ATRX: variants seen among roughly 807,000 people sequenced by gnomAD.
ATRX encodes chromatin remodeler ATRX.
A neutral mutation model predicts 172.6 loss-of-function variants in ATRX; 12 were observed. The ratio of observed to expected loss-of-function variants is 0.07; its 90% CI spans 0.04 to 0.11. The LOEUF (loss-of-function observed/expected upper bound fraction) is 0.11. Among genes scored for constraint, ATRX ranks in the 10% least tolerant of loss-of-function variants. ATRX has a pLI of 1.00. For missense variants in ATRX, 1,368 were observed against 1,767.4 expected, an observed-to-expected ratio of 0.77 and a Z score of 4.05; for synonymous variants, 674 against 594.7, an observed-to-expected ratio of 1.13 and a Z score of -1.94.
intron 28 of ATRX, among the ~76,000 whole-genome samples, chrX:77,562,530 T>C (rs1281805610): frequency 9.0e-6 from 1 of 111,493 alleles, no homozygotes; most frequent in African/African-American, 3.3e-5. Context: ...TGACAACTCA[T>C]GTGGTTTTAA....
chrX:77,678,827 T>A (rs1334772977), intron 9 of ATRX, among the ~76,000 whole-genome samples: 1 of 110,986 alleles, frequency 9.0e-6, no homozygotes, highest in South Asian at 3.8e-4. Context: ...TCTATGTCTG[T>A]CTTGCATTAA....
At chrX:77,559,281 T>G (rs1294750012) in intron 28 of ATRX, among the ~76,000 whole-genome samples, 1 of 106,455 alleles carries the variant, frequency 9.4e-6, no homozygotes, top group Non-Finnish European at 1.9e-5. Flanking sequence ...GCATAAAGAA[T>G]GTAAGGAGAG....
At chrX:77,729,124 C>CAAAAAAAAAA (rs782218800) in intron 1 of ATRX, among the ~76,000 whole-genome samples, 1 of 32,162 alleles carries the variant, frequency 3.1e-5, no homozygotes. Context: ...CTCACAAAAG[C>CAAAAAAAAAA]AAAAAAAAAA....
At chrX:77,635,280 A>G (rs2068294914) in intron 16 of ATRX, among the ~76,000 whole-genome samples, 1 of 111,353 alleles carries the variant, frequency 9.0e-6, no homozygotes. Flanking sequence ...GCGAGACTCC[A>G]TCTCAAAAAA....
intron 2 of ATRX, among the ~76,000 whole-genome samples, chrX:77,708,347 C>A (rs2072940746): frequency 1.8e-5 from 2 of 112,298 alleles, no homozygotes; most frequent in Admixed American, 9.5e-5. Flanking sequence ...TTATATGATG[C>A]CATTCATATG....
intron 31 of ATRX, 79 bp from the exon 32 acceptor site, chrX:77,522,467 G>C (rs1352797726): frequency 2.9e-6 from 3 of 1,048,604 alleles, no homozygotes; most frequent in Non-Finnish European, 4.0e-6. Context: ...GTTTAGAAAA[G>C]AATCCACATT....
rs1352797726 is a variant in ATRX, at chrX:77,522,467, G to T, written c.6850-79C>A. Reference sequence around the variant, plus strand: ...CTACATCACCTACTGGTTTAGAAAAGAATCCACATTCTCAGATCCAGGAAA... The same window carrying T: ...CTACATCACCTACTGGTTTAGAAAATAATCCACATTCTCAGATCCAGGAAA... On this transcript the variant is annotated intron_variant, in intron 31 of 34. Transcript: ENST00000373344. The T allele has an allele frequency of 7.6e-6, 8 of 1,050,361 alleles. No homozygotes were observed. In the East Asian group the frequency reaches 1.5e-4, roughly 20 times the overall value. The allele number at this position is 1,050,361 out of a possible 1,213,427, so 86.6% of individuals were successfully genotyped here.
rs782623815 is a variant in ATRX at position 77,637,647 on chromosome X, AAAAACATTACGCAG to A, written c.4558-1605_4558-1592del. Among the ~76,000 whole-genome samples the A allele has an allele frequency of 6.3e-5, 7 of 111,353 alleles. No individual in the cohort carries two copies. In the South Asian group the frequency reaches 2.6e-3, roughly 42 times the overall value. On this transcript the variant is annotated intron_variant, in intron 15 of 34. Transcript: ENST00000373344. The stretch of plus-strand genomic sequence containing the variant: ...TAGAAACTCGTGATTTTAAAATCAT[AAAAACATTACGCAG>A]TTGGGCACGGTGGCTCACTCCTATA...
At chrX:77,666,189 A>G (rs1412033768) in intron 10 of ATRX, among the ~76,000 whole-genome samples, 1 of 112,138 alleles carries the variant, frequency 8.9e-6, no homozygotes, top group African/African-American at 3.2e-5. Flanking sequence ...AGAATCATCA[A>G]TTGCTAAAGG....
intron 23 of ATRX, 42 bp from the exon 24 acceptor site, chrX:77,599,862 A>C: frequency 6.2e-5 from 62 of 1,002,280 alleles, no homozygotes; most frequent in Non-Finnish European, 7.8e-5. Context: ...AGAATATCTC[A>C]ACTTACACTG....
At chrX:77,690,675 T>G (rs1190935207) in intron 6 of ATRX, 1 of 111,694 alleles carries the variant, frequency 9.0e-6, no homozygotes, top group East Asian at 2.8e-4. Flanking sequence ...TATTCTGTAT[T>G]TGTTTTAACA....
rs575791624 is a variant in ATRX at position 77,651,143 on chromosome X, G to A, written c.4557+971C>T. 2.5e-4 allele frequency among the ~76,000 whole-genome samples: 25 copies of A among 100,182 alleles called. No homozygotes were observed. In the South Asian group the frequency reaches 0.011, roughly 44 times the overall value. The allele number at this position is 100,182 out of a possible 115,157, so 87.0% of individuals were successfully genotyped here. Reference sequence around the variant, plus strand: ...GAGACAGGAGAATCACTTGAACCCAGGAGGTGGAGGTTGCAGTGAGCCGAG... The same window carrying A: ...GAGACAGGAGAATCACTTGAACCCAAGAGGTGGAGGTTGCAGTGAGCCGAG... On this transcript the variant is annotated intron_variant, in intron 15 of 34. Coordinates refer to ENST00000373344, the MANE Select transcript of ATRX (RefSeq NM_000489.6).
At chrX:77,549,001 T>C (rs543485311) in intron 30 of ATRX, among the ~76,000 whole-genome samples, 3 of 112,337 alleles carry the variant, frequency 2.7e-5, no homozygotes, top group South Asian at 7.4e-4. Flanking sequence ...ATGCCAGTTT[T>C]ATTGGCTTTT....
Position 77,599,665 on chromosome X carries a change from G to A in ATRX, c.5786+67C>T. 5 of 1,183,935 alleles carry A rather than the reference G, an allele frequency of 4.2e-6. No individual in the cohort carries two copies. The South Asian group carries it at 8.9e-5, about 21-fold the overall frequency. On this transcript the variant is annotated intron_variant, in intron 24 of 34. Transcript: ENST00000373344. ...AAAGATGTAAACGTCAATTATAAGA[G>A]GTCAATCAGCAAGTAGGGGTTTTAA...
At chrX:77,773,987 C>A (rs1452835003) in intron 1 of ATRX, among the ~76,000 whole-genome samples, 1 of 110,630 alleles carries the variant, frequency 9.0e-6, no homozygotes, top group Non-Finnish European at 1.9e-5. Flanking sequence ...CTTTGGGAGT[C>A]CGAGGCGGGC....
intron 10 of ATRX, among the ~76,000 whole-genome samples, chrX:77,666,649 C>T (rs1482642551): frequency 2.7e-5 from 3 of 112,244 alleles, no homozygotes; most frequent in African/African-American, 6.5e-5. Context: ...CACCTGAGGT[C>T]AGGTGTACGA....
chrX:77,580,702 G>GT (rs1408077162), intron 27 of ATRX, among the ~76,000 whole-genome samples: 1 of 111,973 alleles, frequency 8.9e-6, no homozygotes, highest in Non-Finnish European at 1.9e-5. Flanking sequence ...TGAATGAGCA[G>GT]TAAGAAATCC....
At chrX:77,712,332 T>C (rs1468052825) in intron 2 of ATRX, among the ~76,000 whole-genome samples, 3 of 112,436 alleles carry the variant, frequency 2.7e-5, no homozygotes, top group Non-Finnish European at 5.6e-5. Context: ...GAGTGACATC[T>C]GTTTGTCCAA....
chrX:77,646,458 T>C (rs1390296327), intron 15 of ATRX, among the ~76,000 whole-genome samples: 7 of 110,219 alleles, frequency 6.4e-5, no homozygotes, highest in African/African-American at 2.3e-4. Context: ...CCAAGACATA[T>C]GAAGAAAGCA....
Sources: gnomAD v4.1 joint callset for allele counts (sites outside exome capture counted in the v4.1 genomes callset) on GRCh38, gnomAD v4.1.1 for gene constraint, MANE v1.5 for transcripts, NCBI Gene and HGNC (gene_info 2026-07-23, HGNC 2026-07-21) for gene names.